C8orf74: variants seen among roughly 807,000 people sequenced by gnomAD.
C8orf74 encodes the protein chromosome 8 open reading frame 74.
In C8orf74, 29 loss-of-function variants were observed where a neutral mutation model predicts 22.2. The observed-to-expected ratio is 1.31, with a 90% CI of 0.97 to 1.78. The LOEUF is 1.78. Ranked by LOEUF, C8orf74 falls within the 40% of genes most tolerant of loss-of-function variation. The probability of loss-of-function intolerance (pLI) is 0.00; values close to 1 mark genes in which losing one functional copy is unlikely to be tolerated. For missense variants in C8orf74, 515 were observed against 369.9 expected, an observed-to-expected ratio of 1.39 and a Z score of -3.22; for synonymous variants, 255 against 163.1, an observed-to-expected ratio of 1.56 and a Z score of -4.30.
chr8:10,700,359 A>G lies in C8orf74; in HGVS notation c.773A>G (p.Asn258Ser). 2 of 1,613,480 alleles carry G rather than the reference A, an allele frequency of 1.2e-6. No homozygotes were observed. Among genetic ancestry groups the G allele is most frequent in the Non-Finnish European group, 1.7e-6 (2 of 1,179,566 alleles). ...LDLKLQKKTL[N>S]LNAPTPIPPP... is the part of the protein sequence containing the mutation. ...CTGAAGCTTCAGAAGAAGACTCTGAACCTCAACGCCCCCACCCCTATCCCG... is the reference window on the plus strand; with the variant it reads ...CTGAAGCTTCAGAAGAAGACTCTGAGCCTCAACGCCCCCACCCCTATCCCG... The change falls in exon 4 of 4, where the codon AAC (asparagine) becomes AGC (serine). Residue 258 changes from asparagine to serine, a missense_variant. Physicochemically the swap from Asn to Ser is conservative, Grantham distance 46. Coordinates refer to ENST00000304519, the MANE Select transcript of C8orf74 (RefSeq NM_001040032.2).
chr8:10,685,580 C>T (rs1375058812), intron 2 of C8orf74, among the ~76,000 whole-genome samples: 1 of 152,102 alleles, frequency 6.6e-6, no homozygotes. Context: ...CTATGAGGAA[C>T]ACAGAGTAGT....
At position 10,697,944 on chromosome 8, in the gene C8orf74, C is replaced by T. The variant is rs763537308; in HGVS notation, c.587C>T (p.Ser196Leu). The T allele has an allele frequency of 5.0e-5, 79 of 1,576,248 alleles. No homozygotes were observed. Among genetic ancestry groups the T allele is most frequent in the Non-Finnish European group, 5.8e-5 (67 of 1,162,468 alleles). ...KEALRLEREN[S>L]LQKAFAAAAP... ...GCGCTGCGCCTGGAGCGGGAGAACT[C>T]GCTGCAGAAGGCGTTCGCTGCCGCC... Residue 196 changes from serine (S) to leucine (L), a missense_variant, in exon 3 of 4, where the codon TCG becomes TTG. Transcript: ENST00000304519.
At chr8:10,700,197 C>T (rs1799623053) in intron 3 of C8orf74, 38 bp from the exon 4 acceptor site, 10 of 1,417,012 alleles carry the variant, frequency 7.1e-6, no homozygotes, top group Non-Finnish European at 9.8e-6. Flanking sequence ...CGGCGAGGCT[C>T]CCCAGCCCTG....
chr8:10,685,399 C>T (rs546230550), intron 2 of C8orf74, among the ~76,000 whole-genome samples: 1 of 152,276 alleles, frequency 6.6e-6, no homozygotes, highest in East Asian at 1.9e-4. Context: ...CCCTAGTGAG[C>T]ATGGATGGAT....
intron 2 of C8orf74, among the ~76,000 whole-genome samples, chr8:10,679,280 G>T (rs1799097844): frequency 6.6e-6 from 1 of 152,132 alleles, no homozygotes; most frequent in South Asian, 2.1e-4. Context: ...CCGCTTGCAG[G>T]GGTCTCAGGC....
chr8:10,681,338 G>A (rs545852835), intron 2 of C8orf74, among the ~76,000 whole-genome samples: 10 of 152,274 alleles, frequency 6.6e-5, no homozygotes, highest in Middle Eastern at 3.4e-3. Flanking sequence ...CATCTCCCCC[G>A]GGTCAAGGGT....
intron 2 of C8orf74, among the ~76,000 whole-genome samples, chr8:10,680,348 AG>A (rs1799123664): frequency 6.6e-6 from 1 of 152,242 alleles, no homozygotes; most frequent in Non-Finnish European, 1.5e-5. Context: ...ACTTATAGGA[AG>A]GAGCAAATGA....
chr8:10,696,767 T>C (rs946915979), intron 2 of C8orf74, among the ~76,000 whole-genome samples: 9 of 152,206 alleles, frequency 5.9e-5, no homozygotes, highest in African/African-American at 1.9e-4. Context: ...TCCACTCTTA[T>C]GGGAATTCCT....
At chr8:10,674,567 A>C (rs1586027462) in intron 1 of C8orf74, 79 bp from the exon 2 acceptor site, 6 of 727,510 alleles carry the variant, frequency 8.2e-6, no homozygotes, top group Middle Eastern at 5.5e-4. Context: ...TATAGCCCCC[A>C]TATCACACCC....
chr8:10,691,244 C>G (rs1799374502), intron 2 of C8orf74: 1 of 275,484 alleles, frequency 3.6e-6, no homozygotes, highest in Non-Finnish European at 7.4e-6. Context: ...GAGCAGGTCA[C>G]AGCCCATGGC....
intron 2 of C8orf74, among the ~76,000 whole-genome samples, chr8:10,680,231 C>G (rs909880713): frequency 3.1e-4 from 47 of 152,224 alleles, no homozygotes; most frequent in African/African-American, 1.1e-3. Context: ...CAAAAAGTCT[C>G]AGTTCAAATC....
intron 2 of C8orf74, among the ~76,000 whole-genome samples, chr8:10,695,163 A>G (rs1295442615): frequency 1.3e-5 from 2 of 152,102 alleles, no homozygotes; most frequent in African/African-American, 4.8e-5. Flanking sequence ...GCATTTATTG[A>G]TTGCTGGCTT....
intron 3 of C8orf74, among the ~76,000 whole-genome samples, chr8:10,698,711 T>C (rs894527467): frequency 1.3e-5 from 2 of 152,168 alleles, no homozygotes; most frequent in Admixed American, 6.5e-5. Flanking sequence ...GAAGTCATCA[T>C]TGTTGCATCA....
chr8:10,683,074 G>A (rs550287464), intron 2 of C8orf74, among the ~76,000 whole-genome samples: 1 of 152,368 alleles, frequency 6.6e-6, no homozygotes, highest in African/African-American at 2.4e-5. Context: ...CACTCATCCA[G>A]GGGTGCAGGA....
At chr8:10,683,971 C>T (rs1799208816) in intron 2 of C8orf74, among the ~76,000 whole-genome samples, 1 of 152,200 alleles carries the variant, frequency 6.6e-6, no homozygotes, top group African/African-American at 2.4e-5. Flanking sequence ...CCAGAGTGAG[C>T]CCAAATCCCT....
intron 2 of C8orf74, 89 bp from the exon 3 acceptor site, chr8:10,697,510 C>T (rs1323214180): frequency 1.8e-6 from 2 of 1,139,192 alleles, no homozygotes; most frequent in African/African-American, 1.6e-5. Flanking sequence ...GCTCTGTGAC[C>T]AGGCTGTCGG....
chr8:10,688,031 T>G (rs60833323), intron 2 of C8orf74, among the ~76,000 whole-genome samples: 8,760 of 151,944 alleles, frequency 0.058, 647 homozygotes, highest in African/African-American at 0.16. Context: ...TAAGGTGAAG[T>G]CTGTGTCTAC....
intron 2 of C8orf74, among the ~76,000 whole-genome samples, chr8:10,686,370 T>C (rs1244431145): frequency 6.6e-6 from 1 of 152,228 alleles, no homozygotes; most frequent in African/African-American, 2.4e-5. Context: ...TTGGTTGTGA[T>C]AACCAAATGA....
At chr8:10,681,344 A>C (rs1015690442) in intron 2 of C8orf74, among the ~76,000 whole-genome samples, 2 of 152,176 alleles carry the variant, frequency 1.3e-5, no homozygotes. Flanking sequence ...CCCCGGGTCA[A>C]GGGTGAAGCC....
Sources: allele counts gnomAD v4.1 joint callset (sites outside exome capture counted in the v4.1 genomes callset), GRCh38; gene constraint gnomAD v4.1.1; transcripts MANE v1.5; gene names NCBI Gene and HGNC (gene_info 2026-07-23, HGNC 2026-07-21).